The following PPA2 variants were observed in gnomAD, a reference collection of about 807,000 sequenced individuals.
PPA2 encodes inorganic pyrophosphatase 2, also known as inorganic pyrophosphatase 2, mitochondrial.
A neutral mutation model predicts 49.5 loss-of-function variants in PPA2; 48 were observed. The observed-to-expected ratio is 0.97, with a 90% CI of 0.77 to 1.23. The LOEUF is 1.23. PPA2 is among the 50% of genes most tolerant of loss of function. The pLI is 0.00. For missense variants in PPA2, 429 were observed against 410.1 expected, an observed-to-expected ratio of 1.05 and a Z score of -0.40; for synonymous variants, 131 against 139.9, an observed-to-expected ratio of 0.94 and a Z score of 0.45.
At chr4:105,371,714 A>G (rs1733034277) in intron 10 of PPA2, among the ~76,000 whole-genome samples, 1 of 152,204 alleles carries the variant, frequency 6.6e-6, no homozygotes, top group Non-Finnish European at 1.5e-5. Flanking sequence ...GTACAAATAT[A>G]TATCTAAATA....
intron 7 of PPA2, among the ~76,000 whole-genome samples, chr4:105,411,269 A>AT (rs1474306435): frequency 1.3e-5 from 2 of 152,314 alleles, no homozygotes; most frequent in East Asian, 3.8e-4. Context: ...CTAGTCTCTG[A>AT]TAAAAAAAAG....
intron 2 of PPA2, 174 bp from the exon 3 acceptor site, chr4:105,453,816 TC>T: frequency 2.2e-6 from 1 of 444,970 alleles, no homozygotes; most frequent in Non-Finnish European, 4.0e-6. Context: ...AGCATTTGTA[TC>T]CCCAGAATAG....
chr4:105,419,493 A>AT (rs1281529388), intron 7 of PPA2, among the ~76,000 whole-genome samples: 2 of 152,210 alleles, frequency 1.3e-5, no homozygotes, highest in Admixed American at 6.5e-5. Flanking sequence ...TTATTTGGAC[A>AT]TTTTTTAGAC....
intron 7 of PPA2, chr4:105,405,304 TATTA>T (rs1219765739): frequency 2.7e-6 from 2 of 740,532 alleles, no homozygotes; most frequent in East Asian, 1.3e-4. Flanking sequence ...CATGCATACT[TATTA>T]ATAACTTTTT....
intron 3 of PPA2, among the ~76,000 whole-genome samples, chr4:105,452,490 TG>T (rs1176767289): frequency 1.3e-5 from 2 of 152,142 alleles, no homozygotes; most frequent in African/African-American, 2.4e-5. Context: ...AAATAGGAGA[TG>T]GGGCACGGAA....
At chr4:105,447,753 A>G (rs1220066855) in intron 4 of PPA2, among the ~76,000 whole-genome samples, 1 of 117,240 alleles carries the variant, frequency 8.5e-6, no homozygotes. Flanking sequence ...TTTTTTTTTG[A>G]GACAGAGTTT....
At chr4:105,436,796 C>T (rs1460721475) in intron 6 of PPA2, among the ~76,000 whole-genome samples, 1 of 152,116 alleles carries the variant, frequency 6.6e-6, no homozygotes, top group Non-Finnish European at 1.5e-5. Flanking sequence ...GGACCCCTAT[C>T]TCTCACCACA....
intron 1 of PPA2, among the ~76,000 whole-genome samples, chr4:105,457,600 C>CTT (rs140412004): frequency 1.3e-5 from 2 of 151,422 alleles, no homozygotes; most frequent in Non-Finnish European, 2.9e-5. Flanking sequence ...TTTCTTTCTT[C>CTT]TTTTTTTTTG....
Position 105,458,864 on chromosome 4 carries a change from G to C in PPA2, c.158-2119C>G, listed in dbSNP as rs1041692924. Among the ~76,000 whole-genome samples, 5 of 125,068 alleles carry C rather than the reference G, an allele frequency of 4.0e-5. No homozygotes were observed. In the South Asian group the frequency reaches 8.5e-4, roughly 21 times the overall value. The allele number at this position is 125,068 out of a possible 152,430, so 82.0% of individuals were successfully genotyped here. A position where few individuals can be genotyped will look rare whatever the true frequency, so the allele number is the denominator to read the frequency against. On this transcript the variant is annotated intron_variant, in intron 1 of 11. Coordinates refer to ENST00000341695, the MANE Select transcript of PPA2 (RefSeq NM_176869.3). ...AAAAAAAGGCATGTAACTTAACAAT[G>C]AAATTGTTAATTCCCACCAATATTT...
At chr4:105,373,463 A>T (rs957240184) in intron 10 of PPA2, among the ~76,000 whole-genome samples, 46 of 151,760 alleles carry the variant, frequency 3.0e-4, no homozygotes, top group Middle Eastern at 3.4e-3. Flanking sequence ...ACAATACAAA[A>T]TTTTTTTTCT....
At chr4:105,418,421 A>G (rs542905731) in intron 7 of PPA2, among the ~76,000 whole-genome samples, 1 of 152,342 alleles carries the variant, frequency 6.6e-6, no homozygotes, top group Non-Finnish European at 1.5e-5. Context: ...GTGTCTCAAC[A>G]TATTTATTTT....
At chr4:105,408,137 A>C (rs1722569799) in intron 7 of PPA2, among the ~76,000 whole-genome samples, 1 of 152,184 alleles carries the variant, frequency 6.6e-6, no homozygotes, top group African/African-American at 2.4e-5. Context: ...GAATCAAACA[A>C]AACAGTGTGG....
intron 10 of PPA2, among the ~76,000 whole-genome samples, chr4:105,372,634 C>G (rs146691807): frequency 9.9e-5 from 15 of 152,178 alleles, no homozygotes; most frequent in Admixed American, 3.3e-4. Context: ...CTCCAGGAGA[C>G]AGCCATCAGA....
At chr4:105,379,562 C>T (rs1443422144) in intron 10 of PPA2, among the ~76,000 whole-genome samples, 1 of 151,670 alleles carries the variant, frequency 6.6e-6, no homozygotes, top group Non-Finnish European at 1.5e-5. Flanking sequence ...CTCTCAGGTG[C>T]AAGCGATTCT....
intron 7 of PPA2, among the ~76,000 whole-genome samples, chr4:105,409,897 C>G (rs1722672094): frequency 6.6e-6 from 1 of 152,128 alleles, no homozygotes; most frequent in Non-Finnish European, 1.5e-5. Context: ...ACACCAAAAC[C>G]CCATCTGTAG....
intron 7 of PPA2, among the ~76,000 whole-genome samples, chr4:105,422,086 A>G (rs951199855): frequency 6.6e-6 from 1 of 152,200 alleles, no homozygotes; most frequent in African/African-American, 2.4e-5. Context: ...GATATAGGAG[A>G]AGAGTACTTT....
intron 3 of PPA2, among the ~76,000 whole-genome samples, chr4:105,453,004 G>T (rs1722733289): frequency 6.6e-6 from 1 of 151,874 alleles, no homozygotes; most frequent in South Asian, 2.1e-4. Flanking sequence ...TATTGTTCCT[G>T]GGTTCTAAAA....
chr4:105,380,836 A>T (rs917339559), intron 10 of PPA2, among the ~76,000 whole-genome samples: 2 of 152,240 alleles, frequency 1.3e-5, no homozygotes, highest in African/African-American at 4.8e-5. Flanking sequence ...ATCAATAGAC[A>T]TGTAATTCAG....
At chr4:105,448,623 A>C (rs1179103519) in intron 4 of PPA2, among the ~76,000 whole-genome samples, 1 of 151,636 alleles carries the variant, frequency 6.6e-6, no homozygotes, top group Non-Finnish European at 1.5e-5. Context: ...GCTCTGTGAT[A>C]GTCATAAATT....
Sources: gnomAD v4.1 joint callset for allele counts (sites outside exome capture counted in the v4.1 genomes callset) on GRCh38, gnomAD v4.1.1 for gene constraint, MANE v1.5 for transcripts, NCBI Gene and HGNC (gene_info 2026-07-23, HGNC 2026-07-21) for gene names.